CDH15: variants seen among roughly 807,000 people sequenced by gnomAD.
CDH15 encodes cadherin-15.
CDH15 carries 73 observed loss-of-function variants against 69.4 expected under a neutral mutation model. That is an observed-to-expected ratio of 1.05 (90% CI 0.87 to 1.28). CDH15 has a LOEUF of 1.28. Ranked by LOEUF, CDH15 falls within the 50% of genes most tolerant of loss-of-function variation. The pLI, the probability that CDH15 is intolerant of heterozygous loss-of-function variation, is 0.00. For missense variants in CDH15, 1,343 were observed against 1,133.6 expected, an observed-to-expected ratio of 1.18 and a Z score of -2.65; for synonymous variants, 624 against 507.7, an observed-to-expected ratio of 1.23 and a Z score of -3.08.
intron 5 of CDH15, 128 bp downstream of exon 5, chr16:89,185,461 G>T: frequency 9.2e-7 from 1 of 1,089,650 alleles, no homozygotes; most frequent in East Asian, 2.6e-5. Context: ...GCTTGCAGTG[G>T]CCCTGGCTCC....
intron 5 of CDH15, 30 bp from the exon 6 acceptor site, chr16:89,187,399 A>G (rs760724608): frequency 4.3e-6 from 7 of 1,611,058 alleles, no homozygotes; most frequent in African/African-American, 1.3e-5. Context: ...CTGGGCCCTC[A>G]TCTTCTGACC....
rs1395067724 is a variant in CDH15 at position 89,192,386 on chromosome 16, C to A, written c.1797C>A (p.Gly599=). 4 of 1,536,602 alleles carry A rather than the reference C, an allele frequency of 2.6e-6. No individual in the cohort carries two copies. The highest frequency in any genetic ancestry group is 2.6e-6 in the Non-Finnish European group (3 of 1,148,116). ...LPGAAALLAG[G]TGLSLGALVI... Reference sequence around the variant, plus strand: ...GGGCCGCAGCGCTGCTGGCGGGGGGCACAGGCCTCAGCCTGGGCGCACTGG... The same window carrying A: ...GGGCCGCAGCGCTGCTGGCGGGGGGAACAGGCCTCAGCCTGGGCGCACTGG... The change falls in exon 11 of 14, where the codon GGC becomes GGA. Residue 599 remains glycine, a synonymous_variant. Transcript: ENST00000289746.
chr16:89,183,553 A>G lies in CDH15; in HGVS notation c.363A>G (p.Arg121=). Residue 121 remains arginine (R), a synonymous_variant, in exon 4 of 14, where the codon AGA becomes AGG. Transcript: ENST00000289746. ...CTTGCTCTATGTTTGAACAGCTAAG[A>G]GCGTTTGCCCTGGACCTGGGAGGAT... ...DREKTDRFRL[R]AFALDLGGST... is the part of the protein sequence containing the mutation. The G allele has an allele frequency of 6.2e-7, 1 of 1,614,134 alleles. No homozygotes were observed.
In CDH15 at chr16:89,185,320, G is replaced by A. The variant is rs751553011; in HGVS notation, c.650G>A (p.Gly217Glu). The change falls in exon 5 of 14, where the codon GGG (glycine) becomes GAG (glutamate). Residue 217 changes from glycine to glutamate, a missense_variant. By Grantham distance (98) the Gly-to-Glu change is moderately conservative (BLOSUM62 -2). Transcript: ENST00000289746. ...LTGEIRTVQV[G>E]LDREVVAVYN... ...GGAGAGATCCGCACAGTGCAAGTGGGGCTGGACCGCGAGGTGAGGTGGCGC... is the reference window on the plus strand; with the variant it reads ...GGAGAGATCCGCACAGTGCAAGTGGAGCTGGACCGCGAGGTGAGGTGGCGC... 3 of 1,603,046 alleles carry A rather than the reference G, an allele frequency of 1.9e-6. No homozygotes were observed. Among genetic ancestry groups the A allele is most frequent in the Non-Finnish European group, 1.7e-6 (2 of 1,175,130 alleles).
chr16:89,191,163 A>G (rs1915630989), intron 8 of CDH15, among the ~76,000 whole-genome samples, 167 bp from the exon 9 acceptor site: 1 of 151,828 alleles, frequency 6.6e-6, no homozygotes, highest in South Asian at 2.1e-4. Context: ...TGCATGTGGC[A>G]TGTAAGGCTG....
chr16:89,190,286 C>G lies in CDH15; in HGVS notation c.1022C>G (p.Ser341Trp). 6.2e-7 allele frequency: 1 copy of G among 1,612,692 alleles called. No individual in the cohort carries two copies. The highest frequency in any genetic ancestry group is 8.5e-7 in the Non-Finnish European group (1 of 1,179,880). ...TGTGAACACTACGAACTCAAAGTGT[C>G]GGTGCAGAATGAGGCCCCGCTGCAG... Reference protein sequence around the residue: ...ESCEHYELKVSVQNEAPLQAA... With the variant: ...ESCEHYELKVWVQNEAPLQAA... Residue 341 changes from serine to tryptophan, a missense_variant, in exon 8 of 14, where the codon TCG (serine) becomes TGG (tryptophan). Transcript: ENST00000289746.
chr16:89,194,880 A>G lies in CDH15; in HGVS notation c.2170A>G (p.Ser724Gly), dbSNP rs937348809. ...TTTATAGGGCTTGGAGGCTGCAGAT[A>G]GTGACCCCAGTGTGCCGCCTTACGA... ...FINDGLEAAD[S>G]DPSVPPYDTA... Residue 724 changes from serine to glycine, a missense_variant, in exon 14 of 14, where the codon AGT becomes GGT. Ser to Gly is a moderately conservative substitution (Grantham distance 56, BLOSUM62 0). Transcript: ENST00000289746. The G allele has an allele frequency of 5.0e-6, 8 of 1,606,012 alleles. No homozygotes were observed. The highest frequency in any genetic ancestry group is 6.0e-6 in the Non-Finnish European group (7 of 1,176,424).
chr16:89,172,423 C>T (rs868767833), intron 1 of CDH15, among the ~76,000 whole-genome samples: 2 of 152,160 alleles, frequency 1.3e-5, no homozygotes, highest in African/African-American at 2.4e-5. Context: ...GAGGGCCCAG[C>T]CCGAGCCAGG....
intron 13 of CDH15, among the ~76,000 whole-genome samples, chr16:89,194,169 C>A (rs918664056): frequency 4.6e-5 from 7 of 152,224 alleles, no homozygotes; most frequent in Non-Finnish European, 7.4e-5. Flanking sequence ...ACAGACCCAT[C>A]CACTGCCCCG....
At chr16:89,172,249 G>A (rs1321542820) in intron 1 of CDH15, among the ~76,000 whole-genome samples, 1 of 151,952 alleles carries the variant, frequency 6.6e-6, no homozygotes, top group African/African-American at 2.4e-5. Context: ...GCCCCTCTCT[G>A]GGGGGCTGGG....
Position 89,179,508 on chromosome 16 carries a change from G to A in CDH15, c.135G>A (p.Arg45=), listed in dbSNP as rs748683653. ...RRAPALSRVR[R]AWVIPPISVS... ...CGCCTGCCCTGAGCCGCGTGCGGAG[G>A]GCCTGGGTCATCCCCCCGATCAGCG... is the stretch of plus-strand genomic sequence containing the variant. Residue 45 remains arginine, a synonymous_variant, in exon 2 of 14, where the codon AGG becomes AGA. Transcript: ENST00000289746. 1.1e-4 allele frequency: 185 copies of A among 1,612,956 alleles called. No individual in the cohort carries two copies. The highest frequency in any genetic ancestry group is 1.4e-4 in the Non-Finnish European group (171 of 1,179,680).
At chr16:89,187,312 C>A in intron 5 of CDH15, 117 bp from the exon 6 acceptor site, 2 of 1,253,144 alleles carry the variant, frequency 1.6e-6, no homozygotes, top group South Asian at 1.2e-5. Flanking sequence ...TCTTCAACAC[C>A]CACTGGGTGC....
chr16:89,171,830 CG>C lies in CDH15; in HGVS notation c.-1del. 1.3e-6 allele frequency: 2 copies of C among 1,557,516 alleles called. No individual in the cohort carries two copies. The highest frequency in any genetic ancestry group is 8.7e-7 in the Non-Finnish European group (1 of 1,154,714). On this transcript the variant is annotated 5_prime_UTR_variant, in exon 1 of 14. Transcript: ENST00000289746. ...TCCGGCCCGGCTCCCGCCTCGGCCC[CG>C]ATGGACGCCGCGTTCCTCCTCGTCC...
At chr16:89,191,965 G>A (rs1000430407) in intron 10 of CDH15, 71 bp downstream of exon 10, 14 of 1,409,558 alleles carry the variant, frequency 9.9e-6, no homozygotes, top group South Asian at 5.2e-5. Context: ...GGCCTCGGAC[G>A]GGGGCAGGAG....
Position 89,187,489 on chromosome 16 carries a change from G to A in CDH15, c.724G>A (p.Ala242Thr). 1 of 1,613,682 alleles carries A rather than the reference G, an allele frequency of 6.2e-7. No individual in the cohort carries two copies. Among genetic ancestry groups the A allele is most frequent in the Non-Finnish European group, 8.5e-7 (1 of 1,180,028 alleles). Residue 242 changes from alanine to threonine, a missense_variant, in exon 6 of 14, where the codon GCC becomes ACC. Coordinates refer to ENST00000289746, the MANE Select transcript of CDH15 (RefSeq NM_004933.3). ...GGACATGTCTGGAGACGGCCTCACA[G>A]CCACTGCCTCAGCCATCATCACCCT... The part of the protein sequence containing the change: ...VADMSGDGLT[A>T]TASAIITLDD...
intron 2 of CDH15, among the ~76,000 whole-genome samples, 158 bp downstream of exon 2, chr16:89,179,732 C>G (rs1378325046): frequency 6.6e-6 from 1 of 152,224 alleles, no homozygotes; most frequent in East Asian, 1.9e-4. Context: ...GGGCTTCCAA[C>G]CTGGGTCTAG....
intron 8 of CDH15, 137 bp from the exon 9 acceptor site, chr16:89,191,193 T>C: frequency 1.1e-6 from 1 of 926,980 alleles, no homozygotes; most frequent in Admixed American, 1.8e-5. Context: ...GTGTATATGT[T>C]GTGTGCATGT....
intron 1 of CDH15, among the ~76,000 whole-genome samples, chr16:89,178,174 C>T (rs1915297912): frequency 6.6e-6 from 1 of 152,212 alleles, no homozygotes; most frequent in Non-Finnish European, 1.5e-5. Context: ...TCTGTGGTCA[C>T]AAAAGTTGCT....
intron 6 of CDH15, among the ~76,000 whole-genome samples, chr16:89,187,893 G>C (rs539826621): frequency 1.3e-5 from 2 of 152,262 alleles, no homozygotes; most frequent in African/African-American, 4.8e-5. Flanking sequence ...GGACCATGGG[G>C]GCACGTGGGG....
Sources: allele counts gnomAD v4.1 joint callset (sites outside exome capture counted in the v4.1 genomes callset), GRCh38; gene constraint gnomAD v4.1.1; transcripts MANE v1.5; gene names NCBI Gene and HGNC (gene_info 2026-07-23, HGNC 2026-07-21).